KIAA0825: variants seen among roughly 807,000 people sequenced by gnomAD.
The protein encoded by KIAA0825 is uncharacterized protein KIAA0825.
KIAA0825 carries 119 observed loss-of-function variants against 147.6 expected under a neutral mutation model. That is an observed-to-expected ratio of 0.81 (90% CI 0.69 to 0.94). KIAA0825 has a LOEUF of 0.94. Ranked by LOEUF, KIAA0825 falls within the 40% of genes least tolerant of loss-of-function variation. The probability of loss-of-function intolerance (pLI) is 0.00; values close to 1 mark genes in which losing one functional copy is unlikely to be tolerated. For missense variants in KIAA0825, 1,381 were observed against 1,472.7 expected, an observed-to-expected ratio of 0.94 and a Z score of 1.02; for synonymous variants, 470 against 518.1, an observed-to-expected ratio of 0.91 and a Z score of 1.26.
At chr5:94,388,452 C>G (rs1439048862) in intron 18 of KIAA0825, among the ~76,000 whole-genome samples, 1 of 152,132 alleles carries the variant, frequency 6.6e-6, no homozygotes, top group Non-Finnish European at 1.5e-5. Flanking sequence ...ATAAAGCCAT[C>G]AGAAAATAGT....
intron 20 of KIAA0825, among the ~76,000 whole-genome samples, chr5:94,373,012 C>A (rs1746952739): frequency 6.6e-6 from 1 of 152,202 alleles, no homozygotes. Flanking sequence ...GTCCAGTTTG[C>A]TCCAGTTTTC....
At chr5:94,191,678 C>T (rs1240223687) in intron 20 of KIAA0825, among the ~76,000 whole-genome samples, 2 of 152,190 alleles carry the variant, frequency 1.3e-5, no homozygotes, top group Non-Finnish European at 1.5e-5. Flanking sequence ...AGCCTAATTA[C>T]TCTATGATTA....
intron 12 of KIAA0825, among the ~76,000 whole-genome samples, chr5:94,456,119 G>A (rs1408366462): frequency 2.0e-5 from 3 of 152,178 alleles, no homozygotes; most frequent in Non-Finnish European, 4.4e-5. Context: ...AGACATGGAA[G>A]TCTTGATGAG....
At chr5:94,358,860 T>G (rs1174000709) in intron 20 of KIAA0825, among the ~76,000 whole-genome samples, 1 of 152,232 alleles carries the variant, frequency 6.6e-6, no homozygotes, top group Non-Finnish European at 1.5e-5. Flanking sequence ...TAAGGAAATA[T>G]TTTTCTTTAT....
At chr5:94,238,648 A>G (rs1583940197) in intron 20 of KIAA0825, among the ~76,000 whole-genome samples, 2 of 152,190 alleles carry the variant, frequency 1.3e-5, no homozygotes, top group Non-Finnish European at 2.9e-5. Context: ...CATATTACTT[A>G]TTGAATAGTA....
chr5:94,279,550 G>A (rs1256654697), intron 20 of KIAA0825, among the ~76,000 whole-genome samples: 2 of 151,848 alleles, frequency 1.3e-5, no homozygotes, highest in Non-Finnish European at 2.9e-5. Flanking sequence ...TCCTCTTCCC[G>A]CCTTTCTTCC....
chr5:94,494,847 T>C (rs1327402419), intron 5 of KIAA0825, among the ~76,000 whole-genome samples: 1 of 152,198 alleles, frequency 6.6e-6, no homozygotes, highest in Non-Finnish European at 1.5e-5. Context: ...TTTAAAGGAA[T>C]ATGCCGTGAC....
chr5:94,533,430 C>T (rs1771311980), intron 3 of KIAA0825, among the ~76,000 whole-genome samples: 3 of 152,048 alleles, frequency 2.0e-5, no homozygotes, highest in Non-Finnish European at 4.4e-5. Context: ...GTGTGCACCA[C>T]CACGCCCGGC....
At chr5:94,423,160 G>A (rs116071416) in intron 14 of KIAA0825, among the ~76,000 whole-genome samples, 2,423 of 152,240 alleles carry the variant, frequency 0.016, 32 homozygotes, top group Middle Eastern at 0.061. Context: ...GTGGTTTAGG[G>A]AGTGATTAAG....
chr5:94,426,235 T>C (rs916116794), intron 14 of KIAA0825, among the ~76,000 whole-genome samples: 2 of 152,004 alleles, frequency 1.3e-5, no homozygotes, highest in Admixed American at 1.3e-4. Flanking sequence ...GAAATCAGTA[T>C]ATCAATGGGA....
chr5:94,514,580 G>A (rs1315128444), intron 5 of KIAA0825, among the ~76,000 whole-genome samples: 1 of 152,172 alleles, frequency 6.6e-6, no homozygotes, highest in African/African-American at 2.4e-5. Flanking sequence ...AGGACTTTGG[G>A]AGAGCTACTT....
intron 3 of KIAA0825, among the ~76,000 whole-genome samples, chr5:94,524,446 A>G (rs1768873426): frequency 6.6e-6 from 1 of 151,896 alleles, no homozygotes; most frequent in African/African-American, 2.4e-5. Context: ...CACTGTAAAT[A>G]TTAGAAATAT....
At chr5:94,512,072 C>T (rs1766566031) in intron 5 of KIAA0825, among the ~76,000 whole-genome samples, 5 of 151,938 alleles carry the variant, frequency 3.3e-5, no homozygotes, top group Admixed American at 3.3e-4. Flanking sequence ...CATACTCATA[C>T]ATACATAATT....
chr5:94,476,078 T>C lies in KIAA0825; in HGVS notation c.1227+1033A>G, dbSNP rs114705003. ...TTTAGTGCTCATTTCTTAGTACTGA[T>C]TTTGATTTTTGGTTAAAGCATAATA... On this transcript the variant is annotated intron_variant, in intron 7 of 20. Transcript: ENST00000682413. 5.0e-3 allele frequency among the ~76,000 whole-genome samples: 754 copies of C among 152,310 alleles called. 8 individuals are homozygous for C. The highest frequency in any genetic ancestry group is 0.017 in the African/African-American group (693 of 41,554).
chr5:94,344,786 T>C (rs924796557), intron 20 of KIAA0825, among the ~76,000 whole-genome samples: 4 of 152,174 alleles, frequency 2.6e-5, no homozygotes, highest in African/African-American at 7.2e-5. Flanking sequence ...CTTGAAGATA[T>C]CATGCTGAAA....
Position 94,473,486 on chromosome 5 carries a change from A to C in KIAA0825, c.1261T>G (p.Phe421Val). 1 of 1,551,704 alleles carries C rather than the reference A, an allele frequency of 6.4e-7. No individual in the cohort carries two copies. Among genetic ancestry groups the C allele is most frequent in the Non-Finnish European group, 8.7e-7 (1 of 1,146,968 alleles). ...GCCATGGGAAGAGACACTTCTTTAA[A>C]TGCACTTCTCCAGCCAAAATCTAGT... ...TLLDFGWRSA[F>V]KEVSLPMAHC... Residue 421 changes from phenylalanine (F) to valine (V), a missense_variant, in exon 8 of 21, where the codon TTT becomes GTT. Physicochemically the swap from Phe to Val is conservative, Grantham distance 50. Transcript: ENST00000682413.
At chr5:94,559,627 TTTTTCAC>T (rs1420646113) in intron 2 of KIAA0825, among the ~76,000 whole-genome samples, 1 of 152,188 alleles carries the variant, frequency 6.6e-6, no homozygotes, top group Non-Finnish European at 1.5e-5. Context: ...CTACTCCCAG[TTTTTCAC>T]TTGAATAAAC....
chr5:94,191,798 C>A (rs1770699784), intron 20 of KIAA0825, among the ~76,000 whole-genome samples: 2 of 152,240 alleles, frequency 1.3e-5, no homozygotes, highest in African/African-American at 4.8e-5. Flanking sequence ...CAAACCTATT[C>A]ATCTGAAATC....
At chr5:94,245,251 A>G (rs1399242161) in intron 20 of KIAA0825, among the ~76,000 whole-genome samples, 2 of 152,162 alleles carry the variant, frequency 1.3e-5, no homozygotes, top group Non-Finnish European at 2.9e-5. Context: ...AGCTCATGAA[A>G]CTTCCCTCTA....
Sources: allele counts gnomAD v4.1 joint callset (sites outside exome capture counted in the v4.1 genomes callset), GRCh38; gene constraint gnomAD v4.1.1; transcripts MANE v1.5; gene names NCBI Gene and HGNC (gene_info 2026-07-23, HGNC 2026-07-21).